The following ATP2C2 variants were observed in gnomAD, a reference collection of about 807,000 sequenced individuals.
ATP2C2 encodes the protein ATPase secretory pathway Ca2+ transporting 2.
In ATP2C2, 171 loss-of-function variants were observed where a neutral mutation model predicts 110.8. The ratio of observed to expected loss-of-function variants is 1.54; its 90% CI spans 1.36 to 1.75. The LOEUF is 1.75. Among genes scored for constraint, ATP2C2 ranks in the 40% most tolerant of loss-of-function variants. The pLI, the probability that ATP2C2 is intolerant of heterozygous loss-of-function variation, is 0.00. For missense variants in ATP2C2, 1,963 were observed against 1,235.0 expected, an observed-to-expected ratio of 1.59 and a Z score of -8.84; for synonymous variants, 804 against 508.4, an observed-to-expected ratio of 1.58 and a Z score of -7.82.
At chr16:84,370,998 C>T (rs2151391807) in intron 1 of ATP2C2, among the ~76,000 whole-genome samples, 1 of 152,272 alleles carries the variant, frequency 6.6e-6, no homozygotes, top group African/African-American at 2.4e-5. Flanking sequence ...GCCAGTTTTG[C>T]TAGGCGCTGA....
At chr16:84,442,642 G>A (rs1306453933) in intron 15 of ATP2C2, 43 bp downstream of exon 15, 26 of 1,576,074 alleles carry the variant, frequency 1.6e-5, no homozygotes, top group South Asian at 4.4e-5. Flanking sequence ...TCTTTCGCTC[G>A]GGGCTGGATT....
intron 1 of ATP2C2, among the ~76,000 whole-genome samples, chr16:84,382,680 G>A (rs1328011906): frequency 1.3e-5 from 2 of 152,152 alleles, no homozygotes; most frequent in Non-Finnish European, 2.9e-5. Flanking sequence ...GATCACTTGA[G>A]GTCAAAAGTT....
chr16:84,411,041 AG>A (rs1219909879), intron 6 of ATP2C2: 3 of 513,438 alleles, frequency 5.8e-6, no homozygotes, highest in African/African-American at 1.9e-5. Flanking sequence ...CTCTGGGAAG[AG>A]GGTAGCCCAC....
At chr16:84,415,429 C>G in intron 6 of ATP2C2, 54 bp from the exon 7 acceptor site, 1 of 1,408,906 alleles carries the variant, frequency 7.1e-7, no homozygotes, top group Non-Finnish European at 1.0e-6. Flanking sequence ...TATCAAGGTG[C>G]ATAAAAACAA....
At chr16:84,434,289 G>A (rs183149440) in intron 11 of ATP2C2, among the ~76,000 whole-genome samples, 2,677 of 150,998 alleles carry the variant, frequency 0.018, 89 homozygotes, top group African/African-American at 0.063. Flanking sequence ...GGTGGTGGGC[G>A]CCTGTAGTCC....
intron 2 of ATP2C2, among the ~76,000 whole-genome samples, chr16:84,400,014 T>C (rs181300350): frequency 6.6e-6 from 1 of 152,326 alleles, no homozygotes; most frequent in Non-Finnish European, 1.5e-5. Flanking sequence ...AAAGTTTGCC[T>C]TTCTGTGTCT....
rs1439784009 is a variant in ATP2C2, at chr16:84,422,370, T to C, written c.625-20T>C. The C allele has an allele frequency of 6.2e-7, 1 of 1,607,754 alleles. No homozygotes were observed. Among genetic ancestry groups the C allele is most frequent in the African/African-American group, 1.3e-5 (1 of 74,606 alleles). ...GGGGTGACAGAGAGATTCCACAGCCTTTTCCCCTTGCTCTCCTAGGTCACG... is the reference window on the plus strand; with the variant it reads ...GGGGTGACAGAGAGATTCCACAGCCCTTTCCCCTTGCTCTCCTAGGTCACG... On this transcript the variant is annotated intron_variant, in intron 7 of 26. Coordinates refer to ENST00000262429, the MANE Select transcript of ATP2C2 (RefSeq NM_014861.4).
Position 84,463,057 on chromosome 16 carries a change from C to T in ATP2C2, c.2723-557C>T, listed in dbSNP as rs561196341. Reference sequence around the variant, plus strand: ...ACTCTGCTCACTGGCTGTTTCCACCCGCCGGGAAGGAAGTCGGCTTCCCAC... The same window carrying T: ...ACTCTGCTCACTGGCTGTTTCCACCTGCCGGGAAGGAAGTCGGCTTCCCAC... On this transcript the variant is annotated intron_variant, in intron 26 of 26. Coordinates refer to ENST00000262429, the MANE Select transcript of ATP2C2 (RefSeq NM_014861.4). The T allele has an allele frequency of 4.4e-4, 69 of 157,138 alleles. 3 individuals carry two copies. The East Asian group carries it at 8.1e-3, about 18-fold the overall frequency. The allele number at this position is 157,138 out of a possible 1,614,324, so 9.7% of individuals were successfully genotyped here.
At chr16:84,373,081 C>T (rs554648358) in intron 1 of ATP2C2, among the ~76,000 whole-genome samples, 4 of 148,192 alleles carry the variant, frequency 2.7e-5, no homozygotes, top group Non-Finnish European at 5.9e-5. Context: ...GATCACGAAA[C>T]TGCACTCCAG....
chr16:84,447,298 T>C lies in ATP2C2; in HGVS notation c.1503+868T>C, dbSNP rs141185656. Among the ~76,000 whole-genome samples, 44 of 152,296 alleles carry C rather than the reference T, an allele frequency of 2.9e-4. No homozygotes were observed. In the East Asian group the frequency reaches 6.2e-3, roughly 21 times the overall value. On this transcript the variant is annotated intron_variant, in intron 16 of 26. Coordinates refer to ENST00000262429, the MANE Select transcript of ATP2C2 (RefSeq NM_014861.4). ...CATTTCAGGGGCTTAGAAGGGATTATAGATTTTCAAAAAACTTTTAGACCT... is the reference window on the plus strand; with the variant it reads ...CATTTCAGGGGCTTAGAAGGGATTACAGATTTTCAAAAAACTTTTAGACCT...
intron 18 of ATP2C2, 40 bp from the exon 19 acceptor site, chr16:84,453,098 C>T (rs1343277735): frequency 7.7e-6 from 12 of 1,556,576 alleles, no homozygotes; most frequent in South Asian, 5.8e-5. Context: ...GGTGGGGACG[C>T]GGGCCTCAGA....
intron 1 of ATP2C2, among the ~76,000 whole-genome samples, chr16:84,393,082 C>T (rs1279731303): frequency 5.3e-5 from 8 of 152,238 alleles, no homozygotes; most frequent in Non-Finnish European, 7.4e-5. Context: ...CAGCAGCGGG[C>T]ACGGGCCCAC....
At chr16:84,461,621 C>G in intron 24 of ATP2C2, 93 bp from the exon 25 acceptor site, 2 of 1,155,404 alleles carry the variant, frequency 1.7e-6, no homozygotes, top group Admixed American at 3.4e-5. Flanking sequence ...CCCAGCCATG[C>G]CCCAGGAGCA....
chr16:84,447,808 T>G (rs1216751903), intron 16 of ATP2C2, among the ~76,000 whole-genome samples: 1 of 143,756 alleles, frequency 7.0e-6, no homozygotes, highest in East Asian at 2.0e-4. Flanking sequence ...ATACAATACA[T>G]ATGTACTATA....
intron 6 of ATP2C2, among the ~76,000 whole-genome samples, chr16:84,412,575 T>C (rs1347125539): frequency 2.0e-5 from 3 of 151,902 alleles, no homozygotes; most frequent in Non-Finnish European, 4.4e-5. Flanking sequence ...TGTGTATGTG[T>C]GTGTGTGGAG....
rs1427468491 is a variant in ATP2C2, at chr16:84,452,000, T to G, written c.1740T>G (p.Val580=). The G allele has an allele frequency of 6.2e-7, 1 of 1,612,712 alleles. No individual in the cohort carries two copies. Among genetic ancestry groups the G allele is most frequent in the Non-Finnish European group, 8.5e-7 (1 of 1,179,756 alleles). Residue 580 remains valine (V), a synonymous_variant, in exon 18 of 27, where the codon GTT becomes GTG. Transcript: ENST00000262429. ...TGGGCATCATTGACCCCCCGAGAGT[T>G]GGCGTGAAGGAAGCAGTCCAGGTTC... is the stretch of plus-strand genomic sequence containing the variant. ...GLVGIIDPPR[V]GVKEAVQVLS...
At chr16:84,415,813 C>T (rs1474877673) in intron 7 of ATP2C2, among the ~76,000 whole-genome samples, 1 of 152,232 alleles carries the variant, frequency 6.6e-6, no homozygotes, top group Non-Finnish European at 1.5e-5. Flanking sequence ...TTAAGCCTGA[C>T]AACCTTTGGC....
chr16:84,445,665 A>G (rs1165549541), intron 15 of ATP2C2, among the ~76,000 whole-genome samples: 1 of 152,210 alleles, frequency 6.6e-6, no homozygotes, highest in Non-Finnish European at 1.5e-5. Flanking sequence ...CAACCCCACT[A>G]AGGAGATGGT....
Position 84,368,635 on chromosome 16 carries a change from C to G in ATP2C2, c.20C>G (p.Ser7Cys). The G allele has an allele frequency of 6.4e-7, 1 of 1,563,576 alleles. No individual in the cohort carries two copies. The highest frequency in any genetic ancestry group is 2.5e-5 in the East Asian group (1 of 40,264). ...CTCACCATGGTCGAGGGACGCGTCT[C>G]CGAGTTCCTGAAGAAACTCGGCTTC... is the stretch of plus-strand genomic sequence containing the variant. MVEGRV[S>C]EFLKKLGFSG... Residue 7 changes from serine to cysteine, a missense_variant, in exon 1 of 27, where the codon TCC (serine) becomes TGC (cysteine). Coordinates refer to ENST00000262429, the MANE Select transcript of ATP2C2 (RefSeq NM_014861.4).
Sources: allele counts gnomAD v4.1 joint callset (sites outside exome capture counted in the v4.1 genomes callset), GRCh38; gene constraint gnomAD v4.1.1; transcripts MANE v1.5; gene names NCBI Gene and HGNC (gene_info 2026-07-23, HGNC 2026-07-21).